The following COG5 variants were observed in gnomAD, a reference collection of about 807,000 sequenced individuals.
COG5 encodes the protein component of oligomeric golgi complex 5.
In COG5, 86 loss-of-function variants were observed where a neutral mutation model predicts 110.4. The ratio of observed to expected loss-of-function variants is 0.78; its 90% CI spans 0.65 to 0.93. The LOEUF (loss-of-function observed/expected upper bound fraction) is 0.93. Among genes scored for constraint, COG5 ranks in the 40% least tolerant of loss-of-function variants. COG5 has a pLI of 0.00. For missense variants in COG5, 1,077 were observed against 987.0 expected (o/e 1.09, Z -1.22); for synonymous variants, 360 against 334.6 (o/e 1.08, Z -0.83).
intron 6 of COG5, among the ~76,000 whole-genome samples, chr7:107,421,634 A>G (rs1003744688): frequency 2.3e-4 from 35 of 152,038 alleles, no homozygotes; most frequent in African/African-American, 5.8e-4. Context: ...CTATAAAAAT[A>G]CAAAAATTAG....
chr7:107,216,557 A>C (rs1799549332), intron 19 of COG5, among the ~76,000 whole-genome samples: 1 of 152,222 alleles, frequency 6.6e-6, no homozygotes, highest in South Asian at 2.1e-4. Context: ...TATCTTTTCT[A>C]ATCAGAATGG....
At chr7:107,393,966 T>C in intron 7 of COG5, among the ~76,000 whole-genome samples, 1 of 144,982 alleles carries the variant, frequency 6.9e-6, no homozygotes, top group South Asian at 2.2e-4. Flanking sequence ...ATATTTATTA[T>C]TATTTTTTTT....
chr7:107,534,601 A>G (rs1049048977), intron 5 of COG5, among the ~76,000 whole-genome samples: 1 of 151,612 alleles, frequency 6.6e-6, no homozygotes, highest in African/African-American at 2.4e-5. Flanking sequence ...AAAGGGATCA[A>G]TGCAACAAGA....
intron 14 of COG5, among the ~76,000 whole-genome samples, chr7:107,261,439 T>G (rs776722383): frequency 1.3e-5 from 2 of 152,204 alleles, no homozygotes; most frequent in Non-Finnish European, 2.9e-5. Flanking sequence ...AAGAATATTT[T>G]CTTACAAAAC....
chr7:107,542,847 C>A (rs910581239), intron 5 of COG5, among the ~76,000 whole-genome samples: 2 of 151,918 alleles, frequency 1.3e-5, no homozygotes, highest in Admixed American at 1.3e-4. Context: ...GTGGCAGGTG[C>A]CTGTAATCCC....
At chr7:107,234,914 A>C (rs1292329935) in intron 18 of COG5, among the ~76,000 whole-genome samples, 4 of 152,318 alleles carry the variant, frequency 2.6e-5, no homozygotes, top group African/African-American at 9.6e-5. Context: ...CCTGTAAAAC[A>C]AAGTTAAATG....
chr7:107,240,009 G>T (rs1047586509), intron 17 of COG5, among the ~76,000 whole-genome samples: 1 of 152,142 alleles, frequency 6.6e-6, no homozygotes, highest in Non-Finnish European at 1.5e-5. Context: ...ATAATGTAGA[G>T]TTCTTCTTTC....
intron 6 of COG5, among the ~76,000 whole-genome samples, chr7:107,525,633 G>C (rs1294210516): frequency 6.6e-6 from 1 of 151,836 alleles, no homozygotes; most frequent in Non-Finnish European, 1.5e-5. Flanking sequence ...GCTCACTGCA[G>C]CCTCTAACTT....
intron 7 of COG5, among the ~76,000 whole-genome samples, chr7:107,389,292 G>A (rs1790446518): frequency 2.0e-5 from 3 of 150,320 alleles, no homozygotes; most frequent in African/African-American, 5.0e-5. Context: ...TGGCTAGGAG[G>A]GATAGATTTA....
At chr7:107,558,562 C>T (rs1053210522) in intron 1 of COG5, among the ~76,000 whole-genome samples, 2 of 151,160 alleles carry the variant, frequency 1.3e-5, no homozygotes, top group Admixed American at 6.6e-5. Context: ...CGAGATCGTG[C>T]CATTGCAATC....
chr7:107,208,498 T>G, intron 21 of COG5: 2 of 985,456 alleles, frequency 2.0e-6, no homozygotes, highest in Non-Finnish European at 1.2e-6. Context: ...AACTGAATCC[T>G]CTTTTTAAGA....
intron 12 of COG5, among the ~76,000 whole-genome samples, chr7:107,288,557 T>C (rs561662027): frequency 6.6e-6 from 1 of 152,246 alleles, no homozygotes; most frequent in Admixed American, 6.5e-5. Flanking sequence ...TGATTTGTAT[T>C]TTCCTGATCA....
At chr7:107,270,588 G>C (rs984318892) in intron 14 of COG5, among the ~76,000 whole-genome samples, 1 of 151,674 alleles carries the variant, frequency 6.6e-6, no homozygotes, top group Non-Finnish European at 1.5e-5. Flanking sequence ...TACCAAAAGT[G>C]AACATAAAAA....
At chr7:107,410,008 CTGTTT>C (rs1792164501) in intron 7 of COG5, among the ~76,000 whole-genome samples, 1 of 152,130 alleles carries the variant, frequency 6.6e-6, no homozygotes, top group South Asian at 2.1e-4. Context: ...TTACAGTTGT[CTGTTT>C]TGTTTTGTTT....
intron 6 of COG5, among the ~76,000 whole-genome samples, chr7:107,481,194 T>C (rs7783788): frequency 0.015 from 2,244 of 152,128 alleles, 26 homozygotes; most frequent in Non-Finnish European, 0.022. Flanking sequence ...ATGAGAGCAA[T>C]ATGTCATATT....
At chr7:107,510,667 A>C (rs1298146650) in intron 6 of COG5, among the ~76,000 whole-genome samples, 3 of 152,226 alleles carry the variant, frequency 2.0e-5, no homozygotes, top group Admixed American at 6.5e-5. Context: ...TCCTCAGCAA[A>C]TGTAAACAGA....
chr7:107,273,229 T>C (rs1021481398), intron 14 of COG5, among the ~76,000 whole-genome samples: 6 of 152,180 alleles, frequency 3.9e-5, no homozygotes, highest in Non-Finnish European at 8.8e-5. Context: ...TCACACTAGG[T>C]TGATACCTAT....
In COG5 at chr7:107,201,480, T is replaced by C. The variant is rs1798299138; in HGVS notation, c.*2036A>G. 8.1e-7 allele frequency: 1 copy of C among 1,236,794 alleles called. No homozygotes were observed. The highest frequency in any genetic ancestry group is 1.2e-5 in the South Asian group (1 of 80,736). The allele number at this position is 1,236,794 out of a possible 1,614,324, so 76.6% of individuals were successfully genotyped here. On this transcript the variant is annotated 3_prime_UTR_variant, in exon 22 of 22. Coordinates refer to ENST00000297135, the MANE Select transcript of COG5 (RefSeq NM_006348.5). ...TCTATATTTGCATATACATTGACTCTTGATGGAAAGACTTAAGAAGATCAA... is the reference window on the plus strand; with the variant it reads ...TCTATATTTGCATATACATTGACTCCTGATGGAAAGACTTAAGAAGATCAA...
At position 107,321,273 on chromosome 7, in the gene COG5, G is replaced by A. The variant is rs187888504; in HGVS notation, c.1108+3167C>T. 1.2e-3 allele frequency among the ~76,000 whole-genome samples: 180 copies of A among 152,208 alleles called. 2 individuals are homozygous for A. The highest frequency in any genetic ancestry group is 4.1e-3 in the African/African-American group (171 of 41,552). Reference sequence around the variant, plus strand: ...ATTTAAGAAAAGATTTGTTAGAACTGCATGCTAAAAACTATAAAGCATTTA... The same window carrying A: ...ATTTAAGAAAAGATTTGTTAGAACTACATGCTAAAAACTATAAAGCATTTA... On this transcript the variant is annotated intron_variant, in intron 11 of 21. Transcript: ENST00000297135.
Sources: allele counts gnomAD v4.1 joint callset (sites outside exome capture counted in the v4.1 genomes callset), GRCh38; gene constraint gnomAD v4.1.1; transcripts MANE v1.5; gene names NCBI Gene and HGNC (gene_info 2026-07-23, HGNC 2026-07-21).